The following KANSL1 variants were observed in gnomAD, a reference collection of about 807,000 sequenced individuals.
KANSL1 encodes the protein KAT8 regulatory NSL complex subunit 1.
KANSL1 carries 22 observed loss-of-function variants against 103.6 expected under a neutral mutation model. That is an observed-to-expected ratio of 0.21 (90% CI 0.15 to 0.30). The LOEUF is 0.30. Among genes scored for constraint, KANSL1 ranks in the 10% least tolerant of loss-of-function variants. KANSL1 has a pLI of 1.00. For missense variants in KANSL1, 1,337 were observed against 1,399.8 expected (o/e 0.96, Z 0.72); for synonymous variants, 600 against 527.6 (o/e 1.14, Z -1.88).
At chr17:46,061,331 T>C (rs1019071722) in intron 6 of KANSL1, among the ~76,000 whole-genome samples, 2 of 152,190 alleles carry the variant, frequency 1.3e-5, no homozygotes, top group African/African-American at 4.8e-5. Context: ...AATTGGCTGG[T>C]ACCAATTTTA....
At chr17:46,046,528 C>CAAAAAAAA (rs58711350) in intron 7 of KANSL1, among the ~76,000 whole-genome samples, 3 of 33,176 alleles carry the variant, frequency 9.0e-5, no homozygotes, top group East Asian at 2.3e-3. Flanking sequence ...GAGACTCTGT[C>CAAAAAAAA]AAAAAAAAAA....
intron 2 of KANSL1, among the ~76,000 whole-genome samples, chr17:46,167,069 C>T (rs1414216416): frequency 7.0e-6 from 1 of 143,234 alleles, no homozygotes; most frequent in Non-Finnish European, 1.5e-5. Context: ...AAAAAAAAAA[C>T]TTAGGAGAGA....
intron 2 of KANSL1, among the ~76,000 whole-genome samples, chr17:46,114,381 T>C (rs2042954358): frequency 1.3e-5 from 2 of 151,970 alleles, no homozygotes; most frequent in African/African-American, 4.8e-5. Flanking sequence ...ACAAAAAAAC[T>C]AAAACATCTA....
chr17:46,175,838 CTAATA>C (rs1175400701), intron 1 of KANSL1, among the ~76,000 whole-genome samples: 1 of 152,188 alleles, frequency 6.6e-6, no homozygotes, highest in Non-Finnish European at 1.5e-5. Flanking sequence ...ATACTAATTA[CTAATA>C]TATTATTAAA....
At chr17:46,086,902 T>C (rs1195387869) in intron 3 of KANSL1, among the ~76,000 whole-genome samples, 1 of 151,672 alleles carries the variant, frequency 6.6e-6, no homozygotes, top group Non-Finnish European at 1.5e-5. Flanking sequence ...TGGGAGGGGG[T>C]ACTACAGGCG....
At chr17:46,055,618 G>A (rs2077898253) in intron 6 of KANSL1, among the ~76,000 whole-genome samples, 1 of 151,928 alleles carries the variant, frequency 6.6e-6, no homozygotes, top group Non-Finnish European at 1.5e-5. Flanking sequence ...AGGGGGGAGG[G>A]GAGACAAGGC....
chr17:46,122,126 T>C (rs758935604), intron 2 of KANSL1, among the ~76,000 whole-genome samples: 4 of 152,220 alleles, frequency 2.6e-5, no homozygotes, highest in African/African-American at 4.8e-5. Context: ...AAAGGTGACA[T>C]ACAGGTGCTA....
At chr17:46,120,419 A>G (rs1296414934) in intron 2 of KANSL1, among the ~76,000 whole-genome samples, 2 of 152,180 alleles carry the variant, frequency 1.3e-5, no homozygotes, top group Non-Finnish European at 2.9e-5. Context: ...GCAATTTTCT[A>G]CAATATATTT....
intron 4 of KANSL1, among the ~76,000 whole-genome samples, chr17:46,081,985 A>T (rs538632554): frequency 5.9e-5 from 9 of 152,258 alleles, no homozygotes; most frequent in Non-Finnish European, 5.9e-5. Context: ...AGAAGGAAAC[A>T]GAAAATGACA....
intron 2 of KANSL1, among the ~76,000 whole-genome samples, chr17:46,169,940 G>A (rs2046194957): frequency 6.6e-6 from 1 of 152,150 alleles, no homozygotes; most frequent in Non-Finnish European, 1.5e-5. Flanking sequence ...AGGCCAGCCT[G>A]GTCGACACGG....
intron 1 of KANSL1, among the ~76,000 whole-genome samples, chr17:46,210,747 A>C (rs1399018352): frequency 2.7e-5 from 4 of 147,538 alleles, no homozygotes; most frequent in Non-Finnish European, 6.2e-5. Context: ...AGTTGGAAAA[A>C]TAAGGGAACG....
intron 1 of KANSL1, among the ~76,000 whole-genome samples, chr17:46,205,243 A>C (rs2047925064): frequency 6.6e-6 from 1 of 152,256 alleles, no homozygotes; most frequent in South Asian, 2.1e-4. Flanking sequence ...AAACTATTAG[A>C]GCCAATAAAC....
intron 1 of KANSL1, among the ~76,000 whole-genome samples, chr17:46,179,890 C>G (rs1411677104): frequency 6.6e-6 from 1 of 151,446 alleles, no homozygotes; most frequent in Non-Finnish European, 1.5e-5. Flanking sequence ...TGGCGAAACC[C>G]CATCTCTACT....
intron 1 of KANSL1, among the ~76,000 whole-genome samples, chr17:46,176,654 G>A (rs567984014): frequency 2.0e-4 from 30 of 149,350 alleles, no homozygotes; most frequent in African/African-American, 7.4e-4. Context: ...TTGCACCACT[G>A]CACTCCAGCC....
At position 46,171,610 on chromosome 17, in the gene KANSL1, C is replaced by T; in HGVS notation, c.534G>A (p.Gly178=). Residue 178 remains glycine, a synonymous_variant, in exon 2 of 15, where the codon GGG becomes GGA. Transcript: ENST00000432791. ...CAGATGAAGTGAGAGCCCGTTTTCC[C>T]CCATTGAGGGAAGTGGAATTGTCAT... The part of the protein sequence containing the change: ...SDHDNSTSLN[G]GKRALTSSAL... The T allele has an allele frequency of 1.3e-6, 2 of 1,579,258 alleles. No homozygotes were observed. The highest frequency in any genetic ancestry group is 1.7e-6 in the Non-Finnish European group (2 of 1,166,188).
At chr17:46,108,030 C>CT (rs1238435729) in intron 2 of KANSL1, among the ~76,000 whole-genome samples, 1 of 151,878 alleles carries the variant, frequency 6.6e-6, no homozygotes, top group Non-Finnish European at 1.5e-5. Flanking sequence ...TCTAAATGGG[C>CT]TTCTAGCTCT....
In KANSL1 at chr17:46,172,210, T is replaced by C. The variant is rs2046324572; in HGVS notation, c.-67A>G. The C allele has an allele frequency of 7.0e-7, 1 of 1,422,132 alleles. No individual in the cohort carries two copies. Among genetic ancestry groups the C allele is most frequent in the Non-Finnish European group, 9.5e-7 (1 of 1,048,580 alleles). The allele number at this position is 1,422,132 out of a possible 1,614,324, so 88.1% of individuals were successfully genotyped here. A position where few individuals can be genotyped will look rare whatever the true frequency, so the allele number is the denominator to read the frequency against. On this transcript the variant is annotated 5_prime_UTR_variant, in exon 2 of 15. Transcript: ENST00000432791. Reference sequence around the variant, plus strand: ...AGGCCGAGGCCAGCTCCACGGCCCCTTACTGCCTCCCCAGAGAACAGACTA... The same window carrying C: ...AGGCCGAGGCCAGCTCCACGGCCCCCTACTGCCTCCCCAGAGAACAGACTA...
chr17:46,190,028 T>C (rs932320854), intron 1 of KANSL1, among the ~76,000 whole-genome samples: 3 of 151,964 alleles, frequency 2.0e-5, no homozygotes, highest in African/African-American at 7.3e-5. Flanking sequence ...ACAACACCCC[T>C]ATGTTTACAG....
At chr17:46,114,507 G>GA (rs1429664052) in intron 2 of KANSL1, among the ~76,000 whole-genome samples, 1 of 152,154 alleles carries the variant, frequency 6.6e-6, no homozygotes, top group African/African-American at 2.4e-5. Flanking sequence ...AATGTTCTTA[G>GA]ACTACTATCA....
Sources: gnomAD v4.1 joint callset for allele counts (sites outside exome capture counted in the v4.1 genomes callset) on GRCh38, gnomAD v4.1.1 for gene constraint, MANE v1.5 for transcripts, NCBI Gene and HGNC (gene_info 2026-07-23, HGNC 2026-07-21) for gene names.